The following BLM variants were observed in gnomAD, a reference collection of about 807,000 sequenced individuals.
BLM encodes the protein BLM RecQ like helicase, also known as recQ-like DNA helicase BLM.
In BLM, 95 loss-of-function variants were observed where a neutral mutation model predicts 135.3. That is an observed-to-expected ratio of 0.70 (90% CI 0.59 to 0.83). BLM has a LOEUF of 0.83. Ranked by LOEUF, BLM falls within the 40% of genes least tolerant of loss-of-function variation. BLM has a pLI of 0.00. For missense variants in BLM, 1,518 were observed against 1,663.9 expected, an observed-to-expected ratio of 0.91 and a Z score of 1.53; for synonymous variants, 520 against 589.2, an observed-to-expected ratio of 0.88 and a Z score of 1.70.
At chr15:90,754,237 T>C (rs928563647) in intron 4 of BLM, among the ~76,000 whole-genome samples, 1 of 152,220 alleles carries the variant, frequency 6.6e-6, no homozygotes, top group African/African-American at 2.4e-5. Flanking sequence ...TGTAAAGTAT[T>C]TTTTCTATGT....
chr15:90,751,539 CA>C, intron 3 of BLM, among the ~76,000 whole-genome samples: 1 of 152,230 alleles, frequency 6.6e-6, no homozygotes, highest in East Asian at 1.9e-4. Flanking sequence ...TAACCAGAGA[CA>C]GACATGAAAA....
At chr15:90,804,126 C>A in intron 18 of BLM, 41 bp from the exon 19 acceptor site, 1 of 1,565,610 alleles carries the variant, frequency 6.4e-7, no homozygotes, top group Non-Finnish European at 8.8e-7. Context: ...GGTACAAGTG[C>A]ACATATACCC....
rs986459005 is a variant in BLM, at chr15:90,770,320, G to A, written c.2555+734G>A. 2.6e-5 allele frequency among the ~76,000 whole-genome samples: 4 copies of A among 151,984 alleles called. No individual in the cohort carries two copies. In the East Asian group the frequency reaches 5.8e-4, roughly 22 times the overall value. On this transcript the variant is annotated intron_variant, in intron 12 of 21. Transcript: ENST00000355112. Reference sequence around the variant, plus strand: ...CTCCCGAGTAGCTGGGACTGTAGGCGCCCGCCACCACGCCAGGCTAATTTT... The same window carrying A: ...CTCCCGAGTAGCTGGGACTGTAGGCACCCGCCACCACGCCAGGCTAATTTT...
At chr15:90,812,255 G>A (rs2532105) in intron 21 of BLM, among the ~76,000 whole-genome samples, 16,464 of 152,030 alleles carry the variant, frequency 0.11, 1,178 homozygotes, top group Non-Finnish European at 0.16. Context: ...GCCTTTGCAG[G>A]GGTAGCAAGA....
At position 90,742,587 on chromosome 15, in the gene BLM, C is replaced by T. The variant is rs76094819; in HGVS notation, c.-4-4802C>T. ...TTTTCTGCTGTGTTTTTCTCCATCC[C>T]ATGTCTCTCTCTCTCTCTCTTTTTT... On this transcript the variant is annotated intron_variant, in intron 1 of 21. Coordinates refer to ENST00000355112, the MANE Select transcript of BLM (RefSeq NM_000057.4). Among the ~76,000 whole-genome samples, 32 of 151,966 alleles carry T rather than the reference C, an allele frequency of 2.1e-4. No individual in the cohort carries two copies. In the East Asian group the frequency reaches 6.0e-3, roughly 28 times the overall value.
At chr15:90,777,313 A>G (rs926742092) in intron 12 of BLM, among the ~76,000 whole-genome samples, 21 of 152,102 alleles carry the variant, frequency 1.4e-4, no homozygotes, top group African/African-American at 4.8e-4. Context: ...CACCATGCCC[A>G]GCTAATTTTT....
At chr15:90,769,314 C>A (rs1896230652) in intron 11 of BLM, 83 bp downstream of exon 11, 5 of 1,536,518 alleles carry the variant, frequency 3.3e-6, no homozygotes, top group South Asian at 1.1e-5. Flanking sequence ...AAAACCCACA[C>A]TGAGTGAACG....
At chr15:90,758,229 T>G (rs1895871220) in intron 5 of BLM, among the ~76,000 whole-genome samples, 1 of 151,740 alleles carries the variant, frequency 6.6e-6, no homozygotes, top group Non-Finnish European at 1.5e-5. Context: ...GGCTCACGCC[T>G]GTAATCCCAG....
At chr15:90,767,076 A>G in intron 10 of BLM, 53 bp downstream of exon 10, 2 of 1,188,550 alleles carry the variant, frequency 1.7e-6, no homozygotes, top group Non-Finnish European at 1.2e-6. Flanking sequence ...TAGAATACAT[A>G]TATTTTTAAG....
intron 12 of BLM, among the ~76,000 whole-genome samples, chr15:90,779,805 C>T (rs1434720443): frequency 6.6e-6 from 1 of 152,138 alleles, no homozygotes; most frequent in Non-Finnish European, 1.5e-5. Context: ...TACTTTGTTC[C>T]TAGTTATTCT....
intron 19 of BLM, among the ~76,000 whole-genome samples, chr15:90,806,719 C>T (rs1897294107): frequency 6.6e-6 from 1 of 152,154 alleles, no homozygotes; most frequent in Non-Finnish European, 1.5e-5. Context: ...TATAGTTGGC[C>T]AGCTGGGCTA....
chr15:90,780,383 A>G (rs1279027544), intron 12 of BLM, among the ~76,000 whole-genome samples: 1 of 152,096 alleles, frequency 6.6e-6, no homozygotes, highest in Non-Finnish European at 1.5e-5. Flanking sequence ...GCGCCCGTCC[A>G]GGATGTCTTT....
In BLM at chr15:90,754,896, A is replaced by G. The variant is rs1895778101; in HGVS notation, c.1045A>G (p.Ser349Gly). 1 of 1,614,020 alleles carries G rather than the reference A, an allele frequency of 6.2e-7. No homozygotes were observed. Among genetic ancestry groups the G allele is most frequent in the Non-Finnish European group, 8.5e-7 (1 of 1,179,978 alleles). ...KDLLSKPEKM[S>G]MQELNPETST... ...TCTTTTGTCAAAACCTGAGAAAATG[A>G]GTATGCAGGAGCTGAATCCAGAAAC... is the stretch of plus-strand genomic sequence containing the variant. Residue 349 changes from serine (S) to glycine (G), a missense_variant, in exon 5 of 22, where the codon AGT becomes GGT. Coordinates refer to ENST00000355112, the MANE Select transcript of BLM (RefSeq NM_000057.4).
chr15:90,728,149 A>G (rs1234404444), intron 1 of BLM, among the ~76,000 whole-genome samples: 1 of 151,892 alleles, frequency 6.6e-6, no homozygotes, highest in Non-Finnish European at 1.5e-5. Context: ...TGATCCTCCC[A>G]CCTCAGCCTC....
At chr15:90,779,878 A>T (rs1375786319) in intron 12 of BLM, among the ~76,000 whole-genome samples, 1 of 152,182 alleles carries the variant, frequency 6.6e-6, no homozygotes, top group Non-Finnish European at 1.5e-5. Flanking sequence ...AAGGATTTCT[A>T]GTGCTTTAAT....
At chr15:90,790,251 G>A (rs1896871071) in intron 14 of BLM, 1 of 297,938 alleles carries the variant, frequency 3.4e-6, no homozygotes, top group African/African-American at 2.2e-5. Flanking sequence ...TGGAGCTCCT[G>A]AGCAACACGT....
chr15:90,798,523 G>A (rs1897087737), intron 17 of BLM, among the ~76,000 whole-genome samples, 186 bp downstream of exon 17: 1 of 152,204 alleles, frequency 6.6e-6, no homozygotes, highest in Admixed American at 6.5e-5. Flanking sequence ...ATGTCACTAA[G>A]TTGAGATGGT....
At chr15:90,782,743 G>T (rs543118268) in intron 12 of BLM, 79 bp from the exon 13 acceptor site, 1 of 1,091,554 alleles carries the variant, frequency 9.2e-7, no homozygotes, top group Non-Finnish European at 1.4e-6. Flanking sequence ...GATTTTAGGG[G>T]GGACACATGT....
At chr15:90,746,215 A>T (rs143905284) in intron 1 of BLM, among the ~76,000 whole-genome samples, 130 of 152,338 alleles carry the variant, frequency 8.5e-4, no homozygotes, top group Non-Finnish European at 1.4e-3. Flanking sequence ...TAGCTGAAAC[A>T]ATATTGGATG....
Sources: allele counts gnomAD v4.1 joint callset (sites outside exome capture counted in the v4.1 genomes callset), GRCh38; gene constraint gnomAD v4.1.1; transcripts MANE v1.5; gene names NCBI Gene and HGNC (gene_info 2026-07-23, HGNC 2026-07-21).